APBB1: variants seen among roughly 807,000 people sequenced by gnomAD.
APBB1 encodes the protein amyloid beta precursor protein binding family B member 1, also known as adaptor protein FE65a2.
APBB1 carries 22 observed loss-of-function variants against 78.4 expected under a neutral mutation model. The ratio of observed to expected loss-of-function variants is 0.28; its 90% confidence interval spans 0.20 to 0.40. The LOEUF is 0.40. APBB1 is among the 10% of genes least tolerant of loss of function. The pLI, the probability that APBB1 is intolerant of heterozygous loss-of-function variation, is 1.00. For missense variants in APBB1, 749 were observed against 932.4 expected, an observed-to-expected ratio of 0.80 and a Z score of 2.56; for synonymous variants, 369 against 372.7, an observed-to-expected ratio of 0.99 and a Z score of 0.12.
chr11:6,402,800 G>A, intron 6 of APBB1, 75 bp from the exon 7 acceptor site: 1 of 1,562,980 alleles, frequency 6.4e-7, no homozygotes. Flanking sequence ...ACAGAGTGTG[G>A]CAGGAGGCAG....
At chr11:6,400,618 TC>T (rs1267591207) in intron 12 of APBB1, among the ~76,000 whole-genome samples, 3 of 151,804 alleles carry the variant, frequency 2.0e-5, no homozygotes, top group Non-Finnish European at 2.9e-5. Flanking sequence ...CTCCAGATGC[TC>T]CCAGCCCACA....
At chr11:6,400,291 G>A (rs1460791308) in intron 12 of APBB1, among the ~76,000 whole-genome samples, 7 of 152,082 alleles carry the variant, frequency 4.6e-5, no homozygotes, top group Admixed American at 6.6e-5. Context: ...CTGTAATCCC[G>A]GCACTCTCAG....
In APBB1 at chr11:6,402,557, C is replaced by G. The variant is rs750024177; in HGVS notation, c.1254+19G>C. 7 of 1,612,320 alleles carry G rather than the reference C, an allele frequency of 4.3e-6. No individual in the cohort carries two copies. Among genetic ancestry groups the G allele is most frequent in the Admixed American group, 1.7e-5 (1 of 59,990 alleles). On this transcript the variant is annotated intron_variant, in intron 7 of 14. Transcript: ENST00000609360. ...ACACTCTCACAGTACCACCCCCTACCCCCGGCTCAGGTCCTTACTTCCCCC... is the reference window on the plus strand; with the variant it reads ...ACACTCTCACAGTACCACCCCCTACGCCCGGCTCAGGTCCTTACTTCCCCC...
intron 1 of APBB1, among the ~76,000 whole-genome samples, chr11:6,413,362 A>C (rs1849029509): frequency 6.6e-6 from 1 of 152,024 alleles, no homozygotes; most frequent in Admixed American, 6.6e-5. Context: ...TTTCTCCTTG[A>C]TGTCTTATCT....
At chr11:6,406,533 C>T (rs1477447586) in intron 2 of APBB1, among the ~76,000 whole-genome samples, 2 of 152,162 alleles carry the variant, frequency 1.3e-5, no homozygotes, top group Non-Finnish European at 1.5e-5. Context: ...AATTTTCCAA[C>T]GGAATCCTCT....
intron 1 of APBB1, among the ~76,000 whole-genome samples, chr11:6,418,328 G>A (rs757373448): frequency 5.3e-5 from 8 of 152,198 alleles, no homozygotes; most frequent in Non-Finnish European, 1.2e-4. Flanking sequence ...TGGGTGTCAG[G>A]GACACAGAGT....
rs1432906621 is a variant in APBB1 at position 6,411,325 on chromosome 11, C to T, written c.23G>A (p.Ser8Asn). 10 of 1,548,288 alleles carry T rather than the reference C, an allele frequency of 6.5e-6. No individual in the cohort carries two copies. Among genetic ancestry groups the T allele is most frequent in the Non-Finnish European group, 8.7e-6 (10 of 1,148,054 alleles). Residue 8 changes from serine to asparagine, a missense_variant, in exon 2 of 15, where the codon AGC becomes AAC. Transcript: ENST00000609360. This position sits in a 1 kb window ranked among gnomAD's most constrained non-coding sequence, Gnocchi z 5.2. The stretch of plus-strand genomic sequence containing the variant: ...GCTGTTGGCATTAATGGCCGACTGG[C>T]TCAGTGATGATGGAACAGACATGGC... MSVPSSL[S>N]QSAINANSHG... is the part of the protein sequence containing the mutation.
chr11:6,404,507 G>A (rs993696611), intron 2 of APBB1: 14 of 1,413,026 alleles, frequency 9.9e-6, no homozygotes, highest in South Asian at 2.6e-5. Context: ...CACGGCACAC[G>A]TCAAACCCTG....
At chr11:6,405,905 T>C (rs201607820) in intron 2 of APBB1, among the ~76,000 whole-genome samples, 1 of 152,168 alleles carries the variant, frequency 6.6e-6, no homozygotes. Context: ...CTCCATGCCC[T>C]CCACAGCCAC....
intron 1 of APBB1, among the ~76,000 whole-genome samples, chr11:6,414,646 T>A: frequency 6.6e-6 from 1 of 152,020 alleles, no homozygotes. Flanking sequence ...AAAGGGTCCC[T>A]GAGTGGGAAG....
rs776147209 is a variant in APBB1 at position 6,401,790 on chromosome 11, G to C, written c.1389-102C>G. On this transcript the variant is annotated intron_variant, in intron 9 of 14. Transcript: ENST00000609360. This position sits in a 1 kb window ranked among gnomAD's most constrained non-coding sequence, Gnocchi z 4.5. ...CCCTGCCCATCACAGCTCCTCCAGG[G>C]CTTCTGCCCACAGCTGGTCCCCCAT... 2 of 1,480,150 alleles carry C rather than the reference G, an allele frequency of 1.4e-6. No individual in the cohort carries two copies. The highest frequency in any genetic ancestry group is 1.8e-5 in the Admixed American group (1 of 56,412). The allele number at this position is 1,480,150 out of a possible 1,614,324, so 91.7% of individuals were successfully genotyped here. A position where few individuals can be genotyped will look rare whatever the true frequency, so the allele number is the denominator to read the frequency against.
chr11:6,404,499 C>A (rs1264761158), intron 2 of APBB1: 1 of 1,332,674 alleles, frequency 7.5e-7, no homozygotes, highest in Non-Finnish European at 1.0e-6. Context: ...CTCAGACACA[C>A]GGCACACGTC....
At chr11:6,417,755 G>A (rs1414644151) in intron 1 of APBB1, among the ~76,000 whole-genome samples, 1 of 152,244 alleles carries the variant, frequency 6.6e-6, no homozygotes, top group Non-Finnish European at 1.5e-5. Context: ...TTGGTGAAAT[G>A]AGATGCAGAG....
intron 2 of APBB1, chr11:6,404,947 C>T: frequency 6.9e-7 from 1 of 1,441,890 alleles, no homozygotes; most frequent in South Asian, 1.5e-5. Flanking sequence ...AGGCAAGATC[C>T]TCCCCCGCTT....
chr11:6,398,529 G>A (rs973397685), intron 12 of APBB1, among the ~76,000 whole-genome samples: 2 of 152,240 alleles, frequency 1.3e-5, no homozygotes, highest in Non-Finnish European at 2.9e-5. Flanking sequence ...GCAGTCAAGG[G>A]TCACAGGCAG....
intron 1 of APBB1, among the ~76,000 whole-genome samples, chr11:6,418,686 C>T (rs907313861): frequency 6.6e-6 from 1 of 152,134 alleles, no homozygotes; most frequent in Admixed American, 6.5e-5. Context: ...GGACCTGGGC[C>T]TCCCCTCCCC....
chr11:6,405,117 A>C (rs1590781409), intron 2 of APBB1: 9 of 1,306,182 alleles, frequency 6.9e-6, no homozygotes, highest in South Asian at 1.9e-5. Context: ...TCTCCATCCC[A>C]CCCTCCAGTG....
At chr11:6,418,805 C>T (rs1476471029) in intron 1 of APBB1, among the ~76,000 whole-genome samples, 180 bp downstream of exon 1, 1 of 152,182 alleles carries the variant, frequency 6.6e-6, no homozygotes, top group Non-Finnish European at 1.5e-5. Flanking sequence ...CGAGTGGACC[C>T]TGCGATGGTG....
intron 2 of APBB1, chr11:6,404,678 G>A (rs1485824601): frequency 2.1e-5 from 32 of 1,535,966 alleles, no homozygotes; most frequent in Admixed American, 5.9e-5. Flanking sequence ...CCGCTCATGC[G>A]TCCTCTAACT....
Sources: gnomAD v4.1 joint callset for allele counts (sites outside exome capture counted in the v4.1 genomes callset) on GRCh38, gnomAD v4.1.1 for gene constraint, Gnocchi (gnomAD v3.1) non-coding constraint, MANE v1.5 for transcripts, NCBI Gene and HGNC (gene_info 2026-07-23, HGNC 2026-07-21) for gene names.